The following SLC2A14 variants were observed in gnomAD, a reference collection of about 807,000 sequenced individuals.
The protein encoded by SLC2A14 is solute carrier family 2 member 14.
SLC2A14 carries 13 observed loss-of-function variants against 43.0 expected under a neutral mutation model. That is an observed-to-expected ratio of 0.30 (90% CI 0.20 to 0.48). The LOEUF is 0.48. Ranked by LOEUF, SLC2A14 falls within the 20% of genes least tolerant of loss-of-function variation. The probability of loss-of-function intolerance (pLI) is 0.99; values close to 1 mark genes in which losing one functional copy is unlikely to be tolerated. For missense variants in SLC2A14, 428 were observed against 620.4 expected, an observed-to-expected ratio of 0.69 and a Z score of 3.29; for synonymous variants, 190 against 233.8, an observed-to-expected ratio of 0.81 and a Z score of 1.71.
At chr12:7,818,709 A>G (rs1863687372) in intron 9 of SLC2A14, among the ~76,000 whole-genome samples, 1 of 150,486 alleles carries the variant, frequency 6.6e-6, no homozygotes, top group South Asian at 2.1e-4. Context: ...TTTTTTAGAG[A>G]CAGTTTCTTG....
intron 1 of SLC2A14, among the ~76,000 whole-genome samples, chr12:7,886,286 C>G (rs940426104): frequency 3.3e-5 from 5 of 150,922 alleles, no homozygotes; most frequent in African/African-American, 7.3e-5. Flanking sequence ...CTCAGCCTCC[C>G]AAGTAGCTGG....
chr12:7,841,861 C>T (rs1180833814), intron 2 of SLC2A14, among the ~76,000 whole-genome samples: 2 of 151,802 alleles, frequency 1.3e-5, no homozygotes, highest in Admixed American at 6.6e-5. Flanking sequence ...TAAAATTAGC[C>T]GGGCGTAGTG....
chr12:7,868,872 C>T (rs113053700), intron 2 of SLC2A14, among the ~76,000 whole-genome samples: 23 of 152,004 alleles, frequency 1.5e-4, no homozygotes, highest in African/African-American at 4.8e-4. Context: ...ATGCCGGGCT[C>T]GTTGGCTCAA....
chr12:7,840,205 A>G (rs1276948743), intron 2 of SLC2A14, among the ~76,000 whole-genome samples: 1 of 118,014 alleles, frequency 8.5e-6, no homozygotes, highest in Non-Finnish European at 1.6e-5. Context: ...GCCTTCCACC[A>G]TGTGAGGACA....
chr12:7,812,610 T>G lies in SLC2A14; in HGVS notation c.*1706A>C, dbSNP rs918308421. Reference sequence around the variant, plus strand: ...TATTCACAATCTTCTCAGTGAGAAATAGGAAAACAACTTCCCTGCCTTACT... The same window carrying G: ...TATTCACAATCTTCTCAGTGAGAAAGAGGAAAACAACTTCCCTGCCTTACT... On this transcript the variant is annotated 3_prime_UTR_variant, in exon 11 of 11. Coordinates refer to ENST00000431042, the MANE Select transcript of SLC2A14 (RefSeq NM_001286234.2). 1.3e-5 allele frequency: 2 copies of G among 151,972 alleles called. No individual in the cohort carries two copies. Among genetic ancestry groups the G allele is most frequent in the African/African-American group, 4.8e-5 (2 of 41,438 alleles). 9.4% of individuals were successfully genotyped at this position (151,972 alleles called of 1,614,324 possible).
intron 1 of SLC2A14, chr12:7,890,950 A>G: frequency 6.6e-7 from 1 of 1,508,914 alleles, no homozygotes; most frequent in Non-Finnish European, 8.8e-7. Context: ...ATCATCCTCG[A>G]CATGGACTAC....
At chr12:7,820,938 T>C (rs1246865207) in intron 8 of SLC2A14, among the ~76,000 whole-genome samples, 1 of 151,566 alleles carries the variant, frequency 6.6e-6, no homozygotes, top group Non-Finnish European at 1.5e-5. Flanking sequence ...AATACAAAAA[T>C]GAGTTGGGCG....
upstream of SLC2A14, among the ~76,000 whole-genome samples, chr12:7,878,070 GAC>G (rs1285433764): frequency 1.3e-5 from 2 of 150,698 alleles, no homozygotes; most frequent in Non-Finnish European, 3.0e-5. Flanking sequence ...ATTTTTTTGA[GAC>G]AGAGTTTCAC....
chr12:7,887,196 G>A (rs1013805921), intron 1 of SLC2A14, among the ~76,000 whole-genome samples: 2 of 151,958 alleles, frequency 1.3e-5, no homozygotes, highest in African/African-American at 4.8e-5. Context: ...ACAGGCATGA[G>A]CCACCGCGCC....
rs192841747 is a variant in SLC2A14, at chr12:7,814,752, A to G, written c.1276-218T>C. Among the ~76,000 whole-genome samples the G allele has an allele frequency of 2.4e-3, 365 of 152,110 alleles. 2 individuals are homozygous for G. The highest frequency in any genetic ancestry group is 8.3e-3 in the African/African-American group (345 of 41,496). ...TCTGTCATTTTTTTTCATTAAAGTT[A>G]GATGCTTCCAAATGTCTACTGAGTA... is the stretch of plus-strand genomic sequence containing the variant. On this transcript the variant is annotated intron_variant, in intron 10 of 10. Coordinates refer to ENST00000431042, the MANE Select transcript of SLC2A14 (RefSeq NM_001286234.2).
chr12:7,874,486 AC>A (rs2121083967), upstream of SLC2A14, among the ~76,000 whole-genome samples: 1 of 151,904 alleles, frequency 6.6e-6, no homozygotes, highest in Admixed American at 6.6e-5. Flanking sequence ...AGCCTGGCCA[AC>A]ATGGTGAAAC....
intron 1 of SLC2A14, among the ~76,000 whole-genome samples, chr12:7,882,435 T>G (rs1945599857): frequency 6.6e-6 from 1 of 152,096 alleles, no homozygotes; most frequent in Non-Finnish European, 1.5e-5. Context: ...GCTTCATTCT[T>G]GAAGTCAGTG....
At chr12:7,825,707 A>T (rs1592162864) in intron 7 of SLC2A14, among the ~76,000 whole-genome samples, 1 of 147,086 alleles carries the variant, frequency 6.8e-6, no homozygotes, top group Non-Finnish European at 1.5e-5. Flanking sequence ...GGTTGCAGTG[A>T]GCCAAGATTG....
At position 7,827,624 on chromosome 12, in the gene SLC2A14, A is replaced by C. The variant is rs773820631; in HGVS notation, c.735T>G (p.Asp245Glu). 6.2e-7 allele frequency: 1 copy of C among 1,613,092 alleles called. No homozygotes were observed. The highest frequency in any genetic ancestry group is 1.3e-5 in the African/African-American group (1 of 74,614). The change falls in exon 7 of 11, where the codon GAT becomes GAG. Residue 245 changes from aspartate to glutamate, a missense_variant. By Grantham distance (45) the Asp-to-Glu change is conservative. Transcript: ENST00000431042. ...TTTCTTGTGACATCCTTGCACTCTCATCTTTCATCTCCTGGATGTCTTGGG... is the reference window on the plus strand; with the variant it reads ...TTTCTTGTGACATCCTTGCACTCTCCTCTTTCATCTCCTGGATGTCTTGGG... ...DVSQDIQEMK[D>E]ESARMSQEKQ...
intron 2 of SLC2A14, among the ~76,000 whole-genome samples, chr12:7,849,329 T>A (rs375687258): frequency 2.0e-5 from 3 of 151,954 alleles, no homozygotes; most frequent in African/African-American, 7.2e-5. Context: ...ATGGCAAAAC[T>A]TCATCTCTAC....
At chr12:7,881,619 C>T (rs1379544908) in intron 1 of SLC2A14, among the ~76,000 whole-genome samples, 4 of 152,158 alleles carry the variant, frequency 2.6e-5, no homozygotes, top group African/African-American at 4.8e-5. Context: ...TCCTGCTCCA[C>T]GCGCCCAGTC....
At chr12:7,816,414 T>G (rs1386376949) in intron 10 of SLC2A14, among the ~76,000 whole-genome samples, 1 of 149,682 alleles carries the variant, frequency 6.7e-6, no homozygotes, top group Non-Finnish European at 1.5e-5. Context: ...ATTTCTTGAA[T>G]TTTTAGTAGA....
chr12:7,852,167 C>G (rs1866986891), intron 2 of SLC2A14, among the ~76,000 whole-genome samples: 1 of 152,062 alleles, frequency 6.6e-6, no homozygotes, highest in Non-Finnish European at 1.5e-5. Flanking sequence ...AAAAACCTTA[C>G]AACTGTAACA....
At chr12:7,821,604 A>G (rs996501027) in intron 7 of SLC2A14, among the ~76,000 whole-genome samples, 2 of 152,186 alleles carry the variant, frequency 1.3e-5, no homozygotes, top group Admixed American at 6.6e-5. Context: ...AGACTCTGTC[A>G]CCATAAAATA....
Sources: gnomAD v4.1 joint callset for allele counts (sites outside exome capture counted in the v4.1 genomes callset) on GRCh38, gnomAD v4.1.1 for gene constraint, MANE v1.5 for transcripts, NCBI Gene and HGNC (gene_info 2026-07-23, HGNC 2026-07-21) for gene names.